WDPCP: variants seen among roughly 807,000 people sequenced by gnomAD.
WDPCP encodes WD repeat-containing and planar cell polarity effector protein fritz homolog.
WDPCP carries 71 observed loss-of-function variants against 93.1 expected under a neutral mutation model. That is an observed-to-expected ratio of 0.76 (90% CI 0.63 to 0.93). WDPCP has a LOEUF of 0.93. Among genes scored for constraint, WDPCP ranks in the 40% least tolerant of loss-of-function variants. WDPCP has a pLI of 0.00. For synonymous variants in WDPCP, 315 were observed against 315.0 expected (o/e 1.00, Z 0.00); for missense variants, 844 against 887.4 (o/e 0.95, Z 0.62).
rs76093919 is a variant in WDPCP, at chr2:63,514,684, C to T, written c.76-21744G>A. Among the ~76,000 whole-genome samples the T allele has an allele frequency of 5.6e-3, 853 of 152,110 alleles. 11 individuals carry two copies. Among genetic ancestry groups the T allele is most frequent in the African/African-American group, 0.02 (830 of 41,474 alleles). ...AGGCTAAGTTATAGCTCTAGATAGA[C>T]GTTAAACACCTAAATACAGATATAG... On this transcript the variant is annotated intron_variant, in intron 1 of 17. Transcript: ENST00000272321.
At chr2:63,621,661 G>A (rs1709739141) in intron 3 of WDPCP, among the ~76,000 whole-genome samples, 1 of 151,986 alleles carries the variant, frequency 6.6e-6, no homozygotes, top group Admixed American at 6.5e-5. Flanking sequence ...TTCAAATTCA[G>A]GAAATACAGA....
At chr2:63,262,552 AAAAAG>A (rs1196963380) in intron 13 of WDPCP, among the ~76,000 whole-genome samples, 1 of 151,404 alleles carries the variant, frequency 6.6e-6, no homozygotes, top group Non-Finnish European at 1.5e-5. Context: ...AAAAAAAAAA[AAAAAG>A]AAAGAAAAGA....
intron 8 of WDPCP, among the ~76,000 whole-genome samples, 200 bp from the exon 9 acceptor site, chr2:63,434,136 C>A (rs964675586): frequency 1.3e-5 from 2 of 152,110 alleles, no homozygotes; most frequent in African/African-American, 4.8e-5. Flanking sequence ...AAATTCTCCC[C>A]ATTTTTAGCA....
At chr2:63,519,807 G>A (rs1469310413) in intron 1 of WDPCP, among the ~76,000 whole-genome samples, 1 of 152,070 alleles carries the variant, frequency 6.6e-6, no homozygotes, top group African/African-American at 2.4e-5. Flanking sequence ...CACAAAAAAT[G>A]GCAACTCAAA....
At chr2:63,699,587 G>C (rs1669014494) in intron 2 of WDPCP, among the ~76,000 whole-genome samples, 1 of 152,144 alleles carries the variant, frequency 6.6e-6, no homozygotes, top group South Asian at 2.1e-4. Context: ...GATATGTTAA[G>C]GGAGGCAGAG....
chr2:63,623,986 C>T (rs1009551060), intron 3 of WDPCP, among the ~76,000 whole-genome samples: 1 of 152,182 alleles, frequency 6.6e-6, no homozygotes, highest in African/African-American at 2.4e-5. Context: ...CAAACAGTCA[C>T]TCAAACCATA....
chr2:63,380,741 T>C (rs1371350207), intron 11 of WDPCP, among the ~76,000 whole-genome samples: 1 of 151,968 alleles, frequency 6.6e-6, no homozygotes. Flanking sequence ...AAGAAAAATA[T>C]CGGAATTTCC....
rs1213373814 is a variant in WDPCP at position 63,437,462 on chromosome 2, C to T, written c.592G>A (p.Val198Ile). The change falls in exon 8 of 18, where the codon GTA (valine) becomes ATA (isoleucine). Residue 198 changes from valine (V) to isoleucine (I), a missense_variant. Coordinates refer to ENST00000272321, the MANE Select transcript of WDPCP (RefSeq NM_015910.7). ...QFTKKMESSDVNKRLEKLSAL... is the reference protein window; with the variant it reads ...QFTKKMESSDINKRLEKLSAL... ...GAGAGTTTTTCCAGTCTTTTGTTTA[C>T]ATCAGAAGACTCCATCTTCTTGGTA... 2.5e-6 allele frequency: 4 copies of T among 1,603,360 alleles called. No homozygotes were observed. The highest frequency in any genetic ancestry group is 4.5e-5 in the East Asian group (2 of 44,548).
chr2:63,676,993 A>G (rs1440127543), intron 2 of WDPCP, among the ~76,000 whole-genome samples: 2 of 152,174 alleles, frequency 1.3e-5, no homozygotes, highest in African/African-American at 4.8e-5. Context: ...CCTCCTGTGA[A>G]TCCATAATTA....
At chr2:63,722,143 GC>G (rs1382020610) in intron 2 of WDPCP, among the ~76,000 whole-genome samples, 1 of 152,066 alleles carries the variant, frequency 6.6e-6, no homozygotes. Context: ...CCTCTGCCCG[GC>G]CGCCACCCCG....
intron 3 of WDPCP, among the ~76,000 whole-genome samples, chr2:63,637,575 AC>A (rs1457844676): frequency 6.6e-6 from 1 of 152,122 alleles, no homozygotes; most frequent in Non-Finnish European, 1.5e-5. Flanking sequence ...AAACAGACAA[AC>A]AAAAAAACAA....
intron 12 of WDPCP, among the ~76,000 whole-genome samples, chr2:63,358,477 C>T (rs1314913457): frequency 6.6e-6 from 1 of 152,116 alleles, no homozygotes; most frequent in African/African-American, 2.4e-5. Context: ...ATCTCTTACT[C>T]TTTGGTAGAG....
At chr2:63,575,961 A>C (rs1708083834) in intron 1 of WDPCP, among the ~76,000 whole-genome samples, 1 of 152,076 alleles carries the variant, frequency 6.6e-6, no homozygotes, top group South Asian at 2.1e-4. Flanking sequence ...TGGCATTAAG[A>C]GTTTATTTCC....
At chr2:63,575,489 AG>A (rs1708007885) in intron 1 of WDPCP, among the ~76,000 whole-genome samples, 1 of 17,288 alleles carries the variant, frequency 5.8e-5, no homozygotes, top group African/African-American at 1.7e-4. Context: ...GTGTATATAT[AG>A]TATATACAGT....
intron 2 of WDPCP, among the ~76,000 whole-genome samples, chr2:63,659,611 C>T (rs540117241): frequency 1.6e-4 from 25 of 152,330 alleles, no homozygotes; most frequent in African/African-American, 5.8e-4. Context: ...GCTATGGATT[C>T]TCCTCTAGAG....
chr2:63,567,647 T>C (rs982945283), intron 1 of WDPCP, among the ~76,000 whole-genome samples: 7 of 152,308 alleles, frequency 4.6e-5, no homozygotes, highest in Non-Finnish European at 1.0e-4. Flanking sequence ...TCCCCAATCC[T>C]TCCCTCTAAA....
At chr2:63,574,730 T>A (rs1707792819) in intron 1 of WDPCP, among the ~76,000 whole-genome samples, 1 of 152,056 alleles carries the variant, frequency 6.6e-6, no homozygotes, top group African/African-American at 2.4e-5. Context: ...ATTCAGTGAG[T>A]GTTTTGGCTA....
intron 2 of WDPCP, among the ~76,000 whole-genome samples, chr2:63,692,570 G>A (rs1057491555): frequency 6.6e-6 from 1 of 152,044 alleles, no homozygotes; most frequent in Non-Finnish European, 1.5e-5. Flanking sequence ...ATAAACCAAG[G>A]TCAAGAATAT....
Position 63,404,347 on chromosome 2 carries a change from A to G in WDPCP, c.1136T>C (p.Leu379Ser). 5 of 1,614,170 alleles carry G rather than the reference A, an allele frequency of 3.1e-6. No individual in the cohort carries two copies. Among genetic ancestry groups the G allele is most frequent in the Non-Finnish European group, 4.2e-6 (5 of 1,180,014 alleles). Residue 379 changes from leucine to serine, a missense_variant, in exon 10 of 18, where the codon TTG becomes TCG. Leu to Ser is a moderately radical substitution (Grantham distance 145, BLOSUM62 -2). Coordinates refer to ENST00000272321, the MANE Select transcript of WDPCP (RefSeq NM_015910.7). ...RVTLLAQTEL[L>S]PSLISCHPSG... The stretch of plus-strand genomic sequence containing the variant: ...TGGGTGGCAGCTTATTAATGAAGGC[A>G]AAAGTTCAGTCTGTGCTAAGAGAGT...
Sources: gnomAD v4.1 joint callset for allele counts (sites outside exome capture counted in the v4.1 genomes callset) on GRCh38, gnomAD v4.1.1 for gene constraint, MANE v1.5 for transcripts, NCBI Gene and HGNC (gene_info 2026-07-23, HGNC 2026-07-21) for gene names.